Variants in P2RY14 observed in about 807,000 individuals in gnomAD.
The protein encoded by P2RY14 is P2Y purinoceptor 14.
In P2RY14, 2 loss-of-function variants were observed where a neutral mutation model predicts 0.9. The ratio of observed to expected loss-of-function variants is 2.16; its 90% CI spans 0.88 to 6.79. The LOEUF (loss-of-function observed/expected upper bound fraction) is 6.79, where lower values mean the gene tolerates loss of function less well. P2RY14 is among the 30% of genes most tolerant of loss of function. The probability of loss-of-function intolerance (pLI) is 0.05; values close to 1 mark genes in which losing one functional copy is unlikely to be tolerated. For missense variants in P2RY14, 378 were observed against 400.1 expected (o/e 0.94, Z 0.47); for synonymous variants, 158 against 147.2 (o/e 1.07, Z -0.53).
At chr3:151,246,290 C>A (rs901388488) in intron 1 of P2RY14, among the ~76,000 whole-genome samples, 5 of 151,966 alleles carry the variant, frequency 3.3e-5, no homozygotes, top group Admixed American at 6.6e-5. Flanking sequence ...CATATGGAAC[C>A]AAAAAAGAGC....
intron 1 of P2RY14, among the ~76,000 whole-genome samples, chr3:151,253,695 C>T (rs552007856): frequency 6.6e-6 from 1 of 152,196 alleles, no homozygotes; most frequent in South Asian, 2.1e-4. Context: ...TTGCCCCAGT[C>T]TCATTCATGG....
intron 1 of P2RY14, among the ~76,000 whole-genome samples, chr3:151,231,072 G>A (rs967121528): frequency 2.6e-5 from 4 of 152,216 alleles, no homozygotes; most frequent in African/African-American, 9.7e-5. Flanking sequence ...GCATTAATGA[G>A]AATGATAGCA....
chr3:151,274,062 C>T (rs1741452777), intron 1 of P2RY14, among the ~76,000 whole-genome samples: 1 of 152,172 alleles, frequency 6.6e-6, no homozygotes, highest in Admixed American at 6.5e-5. Flanking sequence ...ATTTGACTGG[C>T]AGTGTGCTAA....
At chr3:151,216,611 G>T (rs1414159613) in intron 2 of P2RY14, among the ~76,000 whole-genome samples, 6 of 152,136 alleles carry the variant, frequency 3.9e-5, no homozygotes, top group Admixed American at 3.9e-4. Flanking sequence ...CCTATAGAAG[G>T]AATGAGTACC....
chr3:151,237,835 A>G (rs911526528), intron 1 of P2RY14, among the ~76,000 whole-genome samples: 2 of 152,152 alleles, frequency 1.3e-5, no homozygotes, highest in Admixed American at 6.5e-5. Flanking sequence ...GCATCTCTTC[A>G]TATGATCACT....
Position 151,212,373 on chromosome 3 carries a change from T to G in P2RY14, c.*927A>C, listed in dbSNP as rs2149214014. Reference sequence around the variant, plus strand: ...CATTTTATGTGTTATTTTGCACTCATTAATGTAAATTTTAGATTTAAAAAA... The same window carrying G: ...CATTTTATGTGTTATTTTGCACTCAGTAATGTAAATTTTAGATTTAAAAAA... On this transcript the variant is annotated 3_prime_UTR_variant, in exon 3 of 3. Coordinates refer to ENST00000309170, the MANE Select transcript of P2RY14 (RefSeq NM_014879.4). 1 of 152,298 alleles carries G rather than the reference T, an allele frequency of 6.6e-6. No homozygotes were observed. The highest frequency in any genetic ancestry group is 1.5e-5 in the Non-Finnish European group (1 of 68,010). The allele number at this position is 152,298 out of a possible 1,614,324, so 9.4% of individuals were successfully genotyped here.
In P2RY14 at chr3:151,214,598, T is replaced by TC. The variant is rs537888044; in HGVS notation, c.-24-259dup. ...CCACTCCTTTCTTCCTTCTCCCCTC[T>TC]CCCCCTCCCTTTTCCCTCCTCTTCC... On this transcript the variant is annotated intron_variant, in intron 2 of 2. Transcript: ENST00000309170. Among the ~76,000 whole-genome samples, 204 of 130,006 alleles carry TC rather than the reference T, an allele frequency of 1.6e-3. 5 individuals carry two copies. The South Asian group carries it at 0.049, about 31-fold the overall frequency. 85.3% of individuals were successfully genotyped at this position (130,006 alleles called of 152,430 possible).
intron 1 of P2RY14, among the ~76,000 whole-genome samples, chr3:151,234,976 G>A (rs577277872): frequency 2.0e-5 from 3 of 152,264 alleles, no homozygotes; most frequent in South Asian, 4.1e-4. Context: ...TTCTAACCAC[G>A]TCATGGACGT....
At chr3:151,266,260 A>T (rs1321552652) in intron 1 of P2RY14, among the ~76,000 whole-genome samples, 1 of 152,222 alleles carries the variant, frequency 6.6e-6, no homozygotes, top group Non-Finnish European at 1.5e-5. Context: ...GGTATTCAAC[A>T]TCTTCTATTA....
intron 1 of P2RY14, among the ~76,000 whole-genome samples, chr3:151,257,407 A>G (rs1376468519): frequency 6.6e-6 from 1 of 152,248 alleles, no homozygotes; most frequent in African/African-American, 2.4e-5. Flanking sequence ...CATTGTCTCC[A>G]GAATAGATTG....
intron 1 of P2RY14, chr3:151,269,558 AT>A: frequency 3.3e-6 from 1 of 300,710 alleles, no homozygotes; most frequent in South Asian, 3.2e-5. Context: ...CAAATTTCAA[AT>A]TTTTGGGTAA....
In P2RY14 at chr3:151,213,783, T is replaced by G. The variant is rs780565743; in HGVS notation, c.534A>C (p.Glu178Asp). Reference protein sequence around the residue: ...TQIKCIELKSELGRKWHKASN... With the variant: ...TQIKCIELKSDLGRKWHKASN... ...ATGCTTTGTGCCACTTCCGTCCCAG[T>G]TCACTTTTCAGTTCTATACATTTTA... Residue 178 changes from glutamate to aspartate, a missense_variant, in exon 3 of 3, where the codon GAA becomes GAC. Transcript: ENST00000309170. 2.7e-5 allele frequency: 43 copies of G among 1,614,056 alleles called. No individual in the cohort carries two copies. The highest frequency in any genetic ancestry group is 3.5e-5 in the Non-Finnish European group (41 of 1,180,022).
chr3:151,217,068 G>A (rs552514901), intron 2 of P2RY14, among the ~76,000 whole-genome samples: 7 of 152,120 alleles, frequency 4.6e-5, no homozygotes, highest in East Asian at 1.9e-4. Flanking sequence ...ATAAAAAACT[G>A]TAGCTGTTAT....
In P2RY14 at chr3:151,213,524, A is replaced by G; in HGVS notation, c.793T>C (p.Tyr265His). The G allele has an allele frequency of 6.2e-7, 1 of 1,614,184 alleles. No individual in the cohort carries two copies. The highest frequency in any genetic ancestry group is 1.1e-5 in the South Asian group (1 of 91,076). ...AAGATTTCTTTTGACTGGCAGCTGT[A>G]ATGAGCTTCGGTCTGACTCTTTGTG... Reference protein sequence around the residue: ...PYTKSQTEAHYSCQSKEILRY... With the variant: ...PYTKSQTEAHHSCQSKEILRY... The change falls in exon 3 of 3, where the codon TAC becomes CAC. Residue 265 changes from tyrosine to histidine, a missense_variant. Tyr to His is a moderately conservative substitution (Grantham distance 83). Transcript: ENST00000309170.
chr3:151,225,607 G>A (rs1269899792), intron 1 of P2RY14, among the ~76,000 whole-genome samples: 1 of 152,126 alleles, frequency 6.6e-6, no homozygotes, highest in Non-Finnish European at 1.5e-5. Context: ...CACTCAAACC[G>A]TAGCAGCTTT....
At chr3:151,253,501 A>C (rs1737231480) in intron 1 of P2RY14, among the ~76,000 whole-genome samples, 1 of 152,130 alleles carries the variant, frequency 6.6e-6, no homozygotes, top group Non-Finnish European at 1.5e-5. Context: ...TTTCAACTTT[A>C]GTGGAGCTTT....
intron 1 of P2RY14, among the ~76,000 whole-genome samples, chr3:151,246,048 G>A (rs1361065935): frequency 9.0e-4 from 136 of 151,458 alleles, no homozygotes; most frequent in African/African-American, 2.9e-3. Context: ...AAATACCTAG[G>A]AATCCAACTT....
chr3:151,238,723 C>CT (rs1733434360), intron 1 of P2RY14, among the ~76,000 whole-genome samples: 1 of 152,098 alleles, frequency 6.6e-6, no homozygotes, highest in Admixed American at 6.5e-5. Flanking sequence ...TTACCAATTG[C>CT]TTAATAAAGC....
At chr3:151,233,125 C>T (rs547237414) in intron 1 of P2RY14, among the ~76,000 whole-genome samples, 46 of 152,304 alleles carry the variant, frequency 3.0e-4, no homozygotes, top group African/African-American at 1.1e-3. Context: ...CTTTCCCCTC[C>T]TCCCCTGAAC....
Sources: allele counts gnomAD v4.1 joint callset (sites outside exome capture counted in the v4.1 genomes callset), GRCh38; gene constraint gnomAD v4.1.1; transcripts MANE v1.5; gene names NCBI Gene and HGNC (gene_info 2026-07-23, HGNC 2026-07-21).